Variants in CBFA2T3 observed in about 807,000 individuals in gnomAD.
CBFA2T3 encodes the protein CBFA2/RUNX1 partner transcriptional co-repressor 3.
A neutral mutation model predicts 58.6 loss-of-function variants in CBFA2T3; 31 were observed. The ratio of observed to expected loss-of-function variants is 0.53; its 90% CI spans 0.40 to 0.71. The LOEUF is 0.71. Among genes scored for constraint, CBFA2T3 ranks in the 30% least tolerant of loss-of-function variants. The pLI is 0.00. For synonymous variants in CBFA2T3, 531 were observed against 421.9 expected (o/e 1.26, Z -3.17); for missense variants, 1,076 against 963.1 (o/e 1.12, Z -1.55).
intron 1 of CBFA2T3, among the ~76,000 whole-genome samples, chr16:88,921,104 C>T (rs920659313): frequency 6.6e-6 from 1 of 152,264 alleles, no homozygotes; most frequent in African/African-American, 2.4e-5. Flanking sequence ...CCGGCTCTCA[C>T]AGGGCGGAGG....
At chr16:88,922,694 G>A (rs1477675754) in intron 1 of CBFA2T3, among the ~76,000 whole-genome samples, 3 of 152,214 alleles carry the variant, frequency 2.0e-5, no homozygotes, top group East Asian at 1.9e-4. Context: ...CCTACAGGCC[G>A]GGTCCCAGCT....
chr16:88,879,623 G>A (rs1462777317), intron 10 of CBFA2T3, 163 bp from the exon 11 acceptor site: 5 of 628,986 alleles, frequency 7.9e-6, no homozygotes, highest in South Asian at 2.0e-5. Flanking sequence ...GTAGGCAGCT[G>A]AACACACGTA....
intron 1 of CBFA2T3, among the ~76,000 whole-genome samples, chr16:88,969,430 G>A (rs754537497): frequency 5.3e-5 from 8 of 152,250 alleles, no homozygotes; most frequent in Non-Finnish European, 7.3e-5. Flanking sequence ...TGCGGGGGTC[G>A]CAAGAGCGGG....
At position 88,877,273 on chromosome 16, in the gene CBFA2T3, G is replaced by C; in HGVS notation, c.1665C>G (p.Ser555Arg). ...TGGCTTTCCGCCCGCAGTTCCAGCA[G>C]CTCTGGGTGGGGGCAGAGGGGCCAG... ...VINQQEDSSE[S>R]CWNCGRKASE... Residue 555 changes from serine (S) to arginine (R), a missense_variant and splice_region_variant, in exon 12 of 12, where the codon AGC becomes AGG. Physicochemically the swap from Ser to Arg is moderately radical, Grantham distance 110 (BLOSUM62 -1). Transcript: ENST00000268679. The C allele has an allele frequency of 6.5e-7, 1 of 1,545,886 alleles. No individual in the cohort carries two copies. The highest frequency in any genetic ancestry group is 8.7e-7 in the Non-Finnish European group (1 of 1,145,098).
At chr16:88,895,342 G>A (rs1041612116) in intron 3 of CBFA2T3, among the ~76,000 whole-genome samples, 1 of 152,118 alleles carries the variant, frequency 6.6e-6, no homozygotes, top group Non-Finnish European at 1.5e-5. Context: ...CCACCTTCCC[G>A]ACCCGTGGTC....
Position 88,901,621 on chromosome 16 carries a change from G to T in CBFA2T3, c.187C>A (p.Pro63Thr), listed in dbSNP as rs1970102470. Reference sequence around the variant, plus strand: ...GTCTTCACCTCCGCTGGGGAGTCCGGCATCGCTGAGGCCTTAGCTTTCCTG... The same window carrying T: ...GTCTTCACCTCCGCTGGGGAGTCCGTCATCGCTGAGGCCTTAGCTTTCCTG... ...VDRKAKASAM[P>T]DSPAEVKTQP... The change falls in exon 2 of 12, where the codon CCG becomes ACG. Residue 63 changes from proline (P) to threonine (T), a missense_variant. Pro to Thr is a conservative substitution (Grantham distance 38, BLOSUM62 -1). Coordinates refer to ENST00000268679, the MANE Select transcript of CBFA2T3 (RefSeq NM_005187.6). The T allele has an allele frequency of 1.3e-6, 2 of 1,528,182 alleles. No homozygotes were observed. Among genetic ancestry groups the T allele is most frequent in the Non-Finnish European group, 1.7e-6 (2 of 1,149,706 alleles). The allele number at this position is 1,528,182 out of a possible 1,614,324, so 94.7% of individuals were successfully genotyped here. A position where few individuals can be genotyped will look rare whatever the true frequency, so the allele number is the denominator to read the frequency against.
intron 2 of CBFA2T3, among the ~76,000 whole-genome samples, chr16:88,900,135 G>A (rs996620988): frequency 1.3e-5 from 2 of 152,228 alleles, no homozygotes; most frequent in African/African-American, 2.4e-5. Context: ...TGAGTGCGGC[G>A]TCCCGACTCT....
At chr16:88,922,586 C>A (rs374112949) in intron 1 of CBFA2T3, among the ~76,000 whole-genome samples, 31 of 152,322 alleles carry the variant, frequency 2.0e-4, no homozygotes, top group African/African-American at 7.2e-4. Flanking sequence ...TCCTATCCCA[C>A]GCCAGGGCTA....
In CBFA2T3 at chr16:88,894,685, C is replaced by G. The variant is rs547859046; in HGVS notation, c.380-2200G>C. Among the ~76,000 whole-genome samples the G allele has an allele frequency of 1.0e-3, 158 of 152,368 alleles. 1 individual carries two copies. The highest frequency in any genetic ancestry group is 2.0e-3 in the Non-Finnish European group (136 of 68,038). ...CTCCACTGTGGCCCCAAGTGCCCCT[C>G]TCCAGGGGATCCACCCCTCACCCGT... On this transcript the variant is annotated intron_variant, in intron 3 of 11. Transcript: ENST00000268679.
intron 1 of CBFA2T3, among the ~76,000 whole-genome samples, chr16:88,963,253 A>ATCTTCTGCCAGGGGTGGGCACTCG (rs1972413464): frequency 8.7e-6 from 1 of 114,842 alleles, no homozygotes; most frequent in Non-Finnish European, 1.8e-5. Flanking sequence ...GTGGGCGCTC[A>ATCTTCTGCCAGGGGTGGGCACTCG]TCTTCTGCCA....
intron 1 of CBFA2T3, among the ~76,000 whole-genome samples, chr16:88,964,686 C>T (rs1233305006): frequency 6.6e-6 from 1 of 152,154 alleles, no homozygotes; most frequent in Non-Finnish European, 1.5e-5. Context: ...ATACTTTGAC[C>T]TTTCCTTCCT....
rs193063474 is a variant in CBFA2T3, at chr16:88,930,654, C to T, written c.152-28998G>A. ...AGGCAAGTTCACAGAGATGCAGGAG[C>T]GGGGGCAGACTGAGGGCTGGGGGTG... On this transcript the variant is annotated intron_variant, in intron 1 of 11. Transcript: ENST00000268679. Among the ~76,000 whole-genome samples the T allele has an allele frequency of 5.0e-4, 68 of 137,366 alleles. No individual in the cohort carries two copies. In the East Asian group the frequency reaches 0.012, roughly 25 times the overall value. 90.1% of individuals were successfully genotyped at this position (137,366 alleles called of 152,430 possible).
At chr16:88,924,850 G>A (rs909328181) in intron 1 of CBFA2T3, among the ~76,000 whole-genome samples, 9 of 152,338 alleles carry the variant, frequency 5.9e-5, no homozygotes, top group South Asian at 2.1e-4. Flanking sequence ...CCACAGCTTC[G>A]GGCTGATGGA....
chr16:88,896,591 C>A (rs1258636380), intron 3 of CBFA2T3, among the ~76,000 whole-genome samples: 1 of 152,180 alleles, frequency 6.6e-6, no homozygotes, highest in Non-Finnish European at 1.5e-5. Flanking sequence ...TGGACTGTGA[C>A]ACACACACCC....
chr16:88,968,996 A>G (rs1270949370), intron 1 of CBFA2T3, among the ~76,000 whole-genome samples: 1 of 152,134 alleles, frequency 6.6e-6, no homozygotes, highest in Non-Finnish European at 1.5e-5. Context: ...TAAATCTGGG[A>G]GCCCAGCCAG....
intron 3 of CBFA2T3, among the ~76,000 whole-genome samples, chr16:88,897,648 G>T (rs1434779938): frequency 6.6e-6 from 1 of 152,220 alleles, no homozygotes; most frequent in Non-Finnish European, 1.5e-5. Context: ...AGGCACGGGG[G>T]GTGGTACCTG....
intron 1 of CBFA2T3, among the ~76,000 whole-genome samples, chr16:88,972,836 G>T (rs139484299): frequency 2.0e-5 from 3 of 152,338 alleles, no homozygotes; most frequent in Non-Finnish European, 2.9e-5. Flanking sequence ...GAGGTCTGAG[G>T]GTGCTGGGGA....
chr16:88,947,619 A>T (rs529929273), intron 1 of CBFA2T3, among the ~76,000 whole-genome samples: 2 of 152,374 alleles, frequency 1.3e-5, no homozygotes, highest in South Asian at 4.1e-4. Context: ...AGAACTAATA[A>T]GGATACAAAG....
chr16:88,964,936 CCA>C (rs1972459658), intron 1 of CBFA2T3, among the ~76,000 whole-genome samples: 1 of 151,236 alleles, frequency 6.6e-6, no homozygotes, highest in African/African-American at 2.4e-5. Flanking sequence ...ATCCATCCAT[CCA>C]TCCATCCATC....
Sources: gnomAD v4.1 joint callset for allele counts (sites outside exome capture counted in the v4.1 genomes callset) on GRCh38, gnomAD v4.1.1 for gene constraint, MANE v1.5 for transcripts, NCBI Gene and HGNC (gene_info 2026-07-23, HGNC 2026-07-21) for gene names.